Variants in TBL1XR1 observed in about 807,000 individuals in gnomAD.
TBL1XR1 encodes the protein F-box-like/WD repeat-containing protein TBL1XR1.
A neutral mutation model predicts 66.9 loss-of-function variants in TBL1XR1; 5 were observed. The ratio of observed to expected loss-of-function variants is 0.07; its 90% confidence interval spans 0.04 to 0.16. The LOEUF is 0.16. TBL1XR1 is among the 10% of genes least tolerant of loss of function. TBL1XR1 has a pLI of 1.00. For missense variants in TBL1XR1, 238 were observed against 623.2 expected (o/e 0.38, Z 6.58); for synonymous variants, 210 against 206.0 (o/e 1.02, Z -0.17).
At chr3:177,105,732 G>C (rs1235109366) in intron 1 of TBL1XR1, among the ~76,000 whole-genome samples, 1 of 151,956 alleles carries the variant, frequency 6.6e-6, no homozygotes. Context: ...ATTGGTCTAG[G>C]GTAGGATCTA....
At chr3:177,134,998 G>A (rs1728759452) in intron 1 of TBL1XR1, among the ~76,000 whole-genome samples, 1 of 53,562 alleles carries the variant, frequency 1.9e-5, no homozygotes, top group African/African-American at 7.7e-5. Flanking sequence ...TGTGTTTTGA[G>A]ACGGCGTCTT....
intron 2 of TBL1XR1, among the ~76,000 whole-genome samples, chr3:177,087,955 G>A (rs569039139): frequency 1.3e-5 from 2 of 152,158 alleles, no homozygotes; most frequent in Non-Finnish European, 1.5e-5. Context: ...TTCAGTGATA[G>A]GACACCTTTT....
intron 2 of TBL1XR1, among the ~76,000 whole-genome samples, chr3:177,084,195 G>C (rs142960698): frequency 6.6e-6 from 1 of 152,062 alleles, no homozygotes; most frequent in Non-Finnish European, 1.5e-5. Context: ...GTATGTACCT[G>C]AGTAACGTAA....
chr3:177,095,708 G>C (rs1016025056), intron 2 of TBL1XR1, among the ~76,000 whole-genome samples: 2 of 152,054 alleles, frequency 1.3e-5, no homozygotes, highest in Non-Finnish European at 1.5e-5. Flanking sequence ...TCGAATTCCT[G>C]ATCTCACAAG....
chr3:177,183,851 C>T (rs141222607), intron 1 of TBL1XR1, among the ~76,000 whole-genome samples: 3,408 of 152,058 alleles, frequency 0.022, 136 homozygotes, highest in African/African-American at 0.078. Context: ...CCTGTAATCC[C>T]AGCACTTCGG....
intron 10 of TBL1XR1, among the ~76,000 whole-genome samples, chr3:177,044,096 C>T (rs1390402614): frequency 1.3e-5 from 2 of 152,248 alleles, no homozygotes; most frequent in East Asian, 3.9e-4. Flanking sequence ...TCTATGCTGC[C>T]TCCAAGGTCA....
intron 1 of TBL1XR1, among the ~76,000 whole-genome samples, chr3:177,162,008 G>C (rs1187041883): frequency 6.6e-6 from 1 of 152,170 alleles, no homozygotes; most frequent in Non-Finnish European, 1.5e-5. Context: ...CACTGCTAGT[G>C]AAAGAGCAGA....
At chr3:177,065,485 C>A (rs1168967223) in intron 2 of TBL1XR1, among the ~76,000 whole-genome samples, 1 of 152,108 alleles carries the variant, frequency 6.6e-6, no homozygotes, top group Non-Finnish European at 1.5e-5. Context: ...TGAAACTTGG[C>A]AGGATATGAA....
intron 1 of TBL1XR1, among the ~76,000 whole-genome samples, chr3:177,134,399 T>C (rs774178923): frequency 3.3e-5 from 5 of 152,158 alleles, no homozygotes; most frequent in Non-Finnish European, 1.5e-5. Context: ...AACAGAATTA[T>C]GGCAGAACAC....
rs1455643232 is a variant in TBL1XR1, at chr3:177,020,068, G to C, written c.*5430C>G. 1 of 150,524 alleles carries C rather than the reference G, an allele frequency of 6.6e-6. No individual in the cohort carries two copies. The highest frequency in any genetic ancestry group is 1.5e-5 in the Non-Finnish European group (1 of 67,726). 9.3% of individuals were successfully genotyped at this position (150,524 alleles called of 1,614,324 possible). On this transcript the variant is annotated 3_prime_UTR_variant, in exon 16 of 16. Coordinates refer to ENST00000457928, the MANE Select transcript of TBL1XR1 (RefSeq NM_024665.7). ...AAGGAGTTGGTATTAATTAAAACTA[G>C]AAGGTGTCTAGTTGTTTTTCTTATA...
chr3:177,181,515 A>G (rs576632982), intron 1 of TBL1XR1, among the ~76,000 whole-genome samples: 7 of 151,708 alleles, frequency 4.6e-5, no homozygotes, highest in Admixed American at 2.0e-4. Context: ...GCCAGCCTAC[A>G]CTCAACAGTA....
chr3:177,038,065 C>G (rs754059136), intron 12 of TBL1XR1, 33 bp downstream of exon 12: 1 of 1,600,788 alleles, frequency 6.2e-7, no homozygotes, highest in South Asian at 1.1e-5. Context: ...TGTGTGACAC[C>G]GCCAACCCAT....
chr3:177,033,203 C>A, intron 13 of TBL1XR1, 67 bp from the exon 14 acceptor site: 2 of 1,352,158 alleles, frequency 1.5e-6, no homozygotes, highest in Admixed American at 2.6e-5. Flanking sequence ...TGCTCCCACC[C>A]AACCTCCCAT....
Position 177,026,489 on chromosome 3 carries a change from A to G in TBL1XR1, c.1417-15T>C. On this transcript the variant is annotated splice_polypyrimidine_tract_variant and intron_variant, in intron 14 of 15. Coordinates refer to ENST00000457928, the MANE Select transcript of TBL1XR1 (RefSeq NM_024665.7). ...AGAGCACCTGTCTAAAAGAATGAAA[A>G]ACAAAATCTTAAAAATCGTAATACA... 1 of 1,556,456 alleles carries G rather than the reference A, an allele frequency of 6.4e-7. No homozygotes were observed. The highest frequency in any genetic ancestry group is 8.7e-7 in the Non-Finnish European group (1 of 1,154,594).
rs182891135 is a variant in TBL1XR1 at position 177,076,311 on chromosome 3, G to A, written c.-45-11289C>T. ...AAATTCGGACCATAGAGCTTGGCTT[G>A]TAGACACATCACTCTAGTCACTTTG... On this transcript the variant is annotated intron_variant, in intron 2 of 15. Transcript: ENST00000457928. Among the ~76,000 whole-genome samples, 50 of 152,302 alleles carry A rather than the reference G, an allele frequency of 3.3e-4. 1 individual carries two copies. Among genetic ancestry groups the A allele is most frequent in the Admixed American group, 2.0e-3 (31 of 15,300 alleles).
intron 1 of TBL1XR1, among the ~76,000 whole-genome samples, chr3:177,124,718 C>T (rs1479653175): frequency 6.6e-6 from 1 of 152,092 alleles, no homozygotes; most frequent in Non-Finnish European, 1.5e-5. Flanking sequence ...TTCTTCAATA[C>T]TTAATAAGTT....
At position 177,102,136 on chromosome 3, in the gene TBL1XR1, T is replaced by C. The variant is rs12485368; in HGVS notation, c.-121-3595A>G. On this transcript the variant is annotated intron_variant, in intron 1 of 15. Transcript: ENST00000457928. ...ATCAGTGAGTCTCTCATCACCCTCATAGATGTATCTAATCTCAGTTTTCAC... is the reference window on the plus strand; with the variant it reads ...ATCAGTGAGTCTCTCATCACCCTCACAGATGTATCTAATCTCAGTTTTCAC... Among the ~76,000 whole-genome samples the C allele has an allele frequency of 5.2e-3, 793 of 152,340 alleles. 12 individuals carry two copies. Among genetic ancestry groups the C allele is most frequent in the African/African-American group, 0.018 (749 of 41,584 alleles).
chr3:177,105,648 G>C (rs1346911210), intron 1 of TBL1XR1, among the ~76,000 whole-genome samples: 1 of 152,206 alleles, frequency 6.6e-6, no homozygotes, highest in African/African-American at 2.4e-5. Context: ...GACTGTCTTT[G>C]ATTAGCTCTG....
At chr3:177,090,910 G>A (rs1722752125) in intron 2 of TBL1XR1, among the ~76,000 whole-genome samples, 1 of 152,136 alleles carries the variant, frequency 6.6e-6, no homozygotes, top group African/African-American at 2.4e-5. Context: ...AATCGATTGA[G>A]CCCAGAAGGT....
Sources: allele counts gnomAD v4.1 joint callset (sites outside exome capture counted in the v4.1 genomes callset), GRCh38; gene constraint gnomAD v4.1.1; transcripts MANE v1.5; gene names NCBI Gene and HGNC (gene_info 2026-07-23, HGNC 2026-07-21).